SSBP2: variants seen among roughly 807,000 people sequenced by gnomAD.
The protein encoded by SSBP2 is single stranded DNA binding protein 2.
A neutral mutation model predicts 61.8 loss-of-function variants in SSBP2; 17 were observed. The ratio of observed to expected loss-of-function variants is 0.28; its 90% confidence interval spans 0.19 to 0.41. SSBP2 has a LOEUF of 0.41. Among genes scored for constraint, SSBP2 ranks in the 10% least tolerant of loss-of-function variants. The pLI is 1.00. For missense variants in SSBP2, 310 were observed against 458.7 expected (o/e 0.68, Z 2.96); for synonymous variants, 139 against 141.3 (o/e 0.98, Z 0.12).
At chr5:81,604,259 T>TC (rs1489644317) in intron 4 of SSBP2, among the ~76,000 whole-genome samples, 3 of 151,488 alleles carry the variant, frequency 2.0e-5, no homozygotes, top group East Asian at 1.9e-4. Context: ...TCTTTTCTTT[T>TC]TTTTTTTTTT....
chr5:81,521,107 C>A (rs1488244387), intron 4 of SSBP2, among the ~76,000 whole-genome samples: 2 of 151,868 alleles, frequency 1.3e-5, no homozygotes, highest in African/African-American at 4.8e-5. Context: ...AATGAGATGT[C>A]CTTTAAAATC....
In SSBP2 at chr5:81,552,872, C is replaced by A. The variant is rs182583349; in HGVS notation, c.283-39155G>T. Among the ~76,000 whole-genome samples, 438 of 152,122 alleles carry A rather than the reference C, an allele frequency of 2.9e-3. 2 individuals carry two copies. Among genetic ancestry groups the A allele is most frequent in the African/African-American group, 9.3e-3 (384 of 41,484 alleles). On this transcript the variant is annotated intron_variant, in intron 4 of 16. Coordinates refer to ENST00000320672, the MANE Select transcript of SSBP2 (RefSeq NM_012446.5). ...CTGGAATTTATAAATTCTTCTTCAT[C>A]CATTTATACAGCAATGGATAATATT...
chr5:81,501,623 C>T (rs1202602747), intron 5 of SSBP2, among the ~76,000 whole-genome samples: 61 of 137,166 alleles, frequency 4.4e-4, no homozygotes, highest in Non-Finnish European at 5.5e-4. Context: ...AGTGTAGTGG[C>T]GTGATCTGGG....
intron 4 of SSBP2, among the ~76,000 whole-genome samples, chr5:81,594,624 G>A (rs1743512456): frequency 6.6e-6 from 1 of 152,188 alleles, no homozygotes. Flanking sequence ...TAAAAGAACA[G>A]AAACTATAAC....
chr5:81,545,294 T>A (rs1260758198), intron 4 of SSBP2, among the ~76,000 whole-genome samples: 1 of 152,222 alleles, frequency 6.6e-6, no homozygotes, highest in Non-Finnish European at 1.5e-5. Context: ...CTGGCAATCC[T>A]ATACATAGTA....
intron 4 of SSBP2, among the ~76,000 whole-genome samples, chr5:81,546,387 C>G (rs1244379748): frequency 6.6e-6 from 1 of 152,064 alleles, no homozygotes; most frequent in Admixed American, 6.5e-5. Context: ...AAAATCTTTA[C>G]TGATATAGGA....
At chr5:81,579,244 T>TC (rs1173275120) in intron 4 of SSBP2, among the ~76,000 whole-genome samples, 1 of 152,096 alleles carries the variant, frequency 6.6e-6, no homozygotes, top group African/African-American at 2.4e-5. Context: ...TTGTTTTTTT[T>TC]CATAAAGTTT....
At chr5:81,586,924 C>A (rs887875548) in intron 4 of SSBP2, among the ~76,000 whole-genome samples, 8 of 151,890 alleles carry the variant, frequency 5.3e-5, no homozygotes, top group Admixed American at 3.9e-4. Flanking sequence ...CTCTAGGGAC[C>A]TTCCCTAGTG....
chr5:81,650,943 T>A (rs1349138774), intron 1 of SSBP2, among the ~76,000 whole-genome samples: 1 of 152,180 alleles, frequency 6.6e-6, no homozygotes, highest in African/African-American at 2.4e-5. Context: ...CAGATCATAT[T>A]AAGCATATGG....
At chr5:81,733,443 G>A (rs1211817980) in intron 1 of SSBP2, among the ~76,000 whole-genome samples, 1 of 151,528 alleles carries the variant, frequency 6.6e-6, no homozygotes, top group East Asian at 1.9e-4. Flanking sequence ...AAAAAAAAAA[G>A]GTCAGAAACC....
chr5:81,702,062 T>C (rs778883803), intron 1 of SSBP2, among the ~76,000 whole-genome samples: 7 of 152,126 alleles, frequency 4.6e-5, no homozygotes, highest in African/African-American at 7.2e-5. Context: ...AAATCACTAT[T>C]GTAATTTTTT....
intron 16 of SSBP2, among the ~76,000 whole-genome samples, chr5:81,420,901 C>A (rs1337852499): frequency 6.6e-6 from 1 of 152,092 alleles, no homozygotes; most frequent in Non-Finnish European, 1.5e-5. Flanking sequence ...AGTATGAGGT[C>A]TAGTCTTTGC....
intron 1 of SSBP2, among the ~76,000 whole-genome samples, chr5:81,692,264 C>T (rs1028254740): frequency 4.6e-5 from 7 of 151,584 alleles, no homozygotes; most frequent in South Asian, 4.2e-4. Flanking sequence ...TTATAATAAC[C>T]GAAAATAAAA....
intron 16 of SSBP2, among the ~76,000 whole-genome samples, chr5:81,422,270 CT>C (rs1761662701): frequency 6.6e-6 from 1 of 152,038 alleles, no homozygotes; most frequent in African/African-American, 2.4e-5. Flanking sequence ...CTGAGACCGG[CT>C]GCAGAAATCA....
At chr5:81,436,281 G>A (rs1007495172) in intron 15 of SSBP2, among the ~76,000 whole-genome samples, 2 of 148,664 alleles carry the variant, frequency 1.3e-5, no homozygotes, top group African/African-American at 4.9e-5. Flanking sequence ...CTCTAATAAA[G>A]TTACATAGGC....
In SSBP2 at chr5:81,445,168, ATATATATATG is replaced by A. The variant is rs1227110872; in HGVS notation, c.778+1690_778+1699del. On this transcript the variant is annotated intron_variant, in intron 12 of 16. Transcript: ENST00000320672. ...TATATATATATATATATATATATAT[ATATATATATG>A]TATGTATTTACTGGAAAATGTCTGA... 8.2e-3 allele frequency among the ~76,000 whole-genome samples: 799 copies of A among 97,038 alleles called. 106 individuals are homozygous for A. The highest frequency in any genetic ancestry group is 0.017 in the African/African-American group (379 of 22,574). The allele number at this position is 97,038 out of a possible 152,430, so 63.7% of individuals were successfully genotyped here.
intron 15 of SSBP2, among the ~76,000 whole-genome samples, chr5:81,431,254 T>C (rs185494137): frequency 2.0e-4 from 30 of 152,326 alleles, no homozygotes; most frequent in African/African-American, 7.2e-4. Flanking sequence ...GAGTACAAGA[T>C]TACTTTTAGA....
chr5:81,705,067 T>G (rs1035781878), intron 1 of SSBP2, among the ~76,000 whole-genome samples: 1 of 152,096 alleles, frequency 6.6e-6, no homozygotes, highest in Non-Finnish European at 1.5e-5. Flanking sequence ...ATATACATAT[T>G]TGTTTTTATG....
intron 9 of SSBP2, among the ~76,000 whole-genome samples, chr5:81,466,678 T>C (rs1401884765): frequency 6.6e-6 from 1 of 151,768 alleles, no homozygotes; most frequent in African/African-American, 2.4e-5. Flanking sequence ...GTTATCAAAA[T>C]GAAATAGACT....
Sources: gnomAD v4.1 joint callset for allele counts (sites outside exome capture counted in the v4.1 genomes callset) on GRCh38, gnomAD v4.1.1 for gene constraint, MANE v1.5 for transcripts, NCBI Gene and HGNC (gene_info 2026-07-23, HGNC 2026-07-21) for gene names.